The following FBXO11 variants were observed in gnomAD, a reference collection of about 807,000 sequenced individuals.
FBXO11 encodes F-box only protein 11.
In FBXO11, 13 loss-of-function variants were observed where a neutral mutation model predicts 117.0. The observed-to-expected ratio is 0.11, with a 90% CI of 0.07 to 0.18. The LOEUF (loss-of-function observed/expected upper bound fraction) is 0.18. FBXO11 is among the 10% of genes least tolerant of loss of function. FBXO11 has a pLI of 1.00. For synonymous variants in FBXO11, 490 were observed against 380.5 expected, an observed-to-expected ratio of 1.29 and a Z score of -3.35; for missense variants, 767 against 1,164.4, an observed-to-expected ratio of 0.66 and a Z score of 4.97.
Position 47,905,555 on chromosome 2 carries a change from G to A in FBXO11, c.166C>T (p.Gln56Ter). ...PPPPQQQQQQ[Q>*]PPPPPPPPPP... ...GGCGGCGGTGGCGGCGGCGGAGGCT[G>A]CTGCTGCTGCTGCTGCTGCGGCGGC... Residue 56 changes from glutamine (Q) to a stop codon, truncating the protein, a stop_gained, in exon 1 of 23, where the codon CAG becomes TAG. Transcript: ENST00000403359. LOFTEE classifies it high-confidence loss of function. The A allele has an allele frequency of 8.0e-7, 1 of 1,244,218 alleles. No individual in the cohort carries two copies. Among genetic ancestry groups the A allele is most frequent in the South Asian group, 3.5e-5 (1 of 28,610 alleles). The allele number at this position is 1,244,218 out of a possible 1,614,324, so 77.1% of individuals were successfully genotyped here.
At chr2:47,843,133 T>A (rs1286130961) in intron 1 of FBXO11, among the ~76,000 whole-genome samples, 4 of 152,344 alleles carry the variant, frequency 2.6e-5, no homozygotes, top group Middle Eastern at 3.4e-3. Flanking sequence ...AAGCAGCCAG[T>A]ATGATACGCC....
At chr2:47,809,924 A>G (rs752815981) in intron 19 of FBXO11, 9 of 537,590 alleles carry the variant, frequency 1.7e-5, no homozygotes, top group Non-Finnish European at 2.0e-5. Context: ...GCACCAACCT[A>G]ACTGTCTTAA....
At chr2:47,818,680 G>A in intron 16 of FBXO11, 99 bp downstream of exon 16, 3 of 727,986 alleles carry the variant, frequency 4.1e-6, no homozygotes, top group Non-Finnish European at 7.0e-6. Flanking sequence ...TACAATAGGG[G>A]GATAAAGATT....
In FBXO11 at chr2:47,860,799, T is replaced by G. The variant is rs916003126; in HGVS notation, c.233-21030A>C. Reference sequence around the variant, plus strand: ...AACCAGTCACATAGAATAACTGTGTTCCACTGGAAAATAGGAAAAAAAAAA... The same window carrying G: ...AACCAGTCACATAGAATAACTGTGTGCCACTGGAAAATAGGAAAAAAAAAA... On this transcript the variant is annotated intron_variant, in intron 1 of 22. Coordinates refer to ENST00000403359, the MANE Select transcript of FBXO11 (RefSeq NM_001190274.2). Among the ~76,000 whole-genome samples, 3 of 136,616 alleles carry G rather than the reference T, an allele frequency of 2.2e-5. No individual in the cohort carries two copies. The Admixed American group carries it at 2.4e-4, about 11-fold the overall frequency. The allele number at this position is 136,616 out of a possible 152,430, so 89.6% of individuals were successfully genotyped here.
chr2:47,905,290 G>C, intron 1 of FBXO11, 199 bp downstream of exon 1: 1 of 379,574 alleles, frequency 2.6e-6, no homozygotes, highest in Non-Finnish European at 4.1e-6. Context: ...CAGGCGAGAA[G>C]GGAAGCCGCG....
intron 1 of FBXO11, among the ~76,000 whole-genome samples, chr2:47,894,766 G>A (rs1677530321): frequency 6.6e-6 from 1 of 152,124 alleles, no homozygotes; most frequent in African/African-American, 2.4e-5. Context: ...AATCAAATCT[G>A]TGGATAAAAA....
chr2:47,833,500 TGAG>T (rs1672332264), intron 7 of FBXO11, among the ~76,000 whole-genome samples: 1 of 152,134 alleles, frequency 6.6e-6, no homozygotes, highest in Admixed American at 6.5e-5. Flanking sequence ...CCCATCTTCA[TGAG>T]GAGATAGAGG....
intron 4 of FBXO11, among the ~76,000 whole-genome samples, chr2:47,837,794 G>A (rs896415283): frequency 4.6e-5 from 7 of 152,048 alleles, no homozygotes; most frequent in African/African-American, 9.7e-5. Flanking sequence ...GCAGTGGCAC[G>A]ATCACGGCTT....
chr2:47,876,127 G>C (rs758490121), intron 1 of FBXO11, among the ~76,000 whole-genome samples: 1 of 152,136 alleles, frequency 6.6e-6, no homozygotes, highest in Non-Finnish European at 1.5e-5. Context: ...AGGTAGTCTG[G>C]CTGCAGAGCC....
intron 1 of FBXO11, among the ~76,000 whole-genome samples, chr2:47,895,445 A>G (rs912805312): frequency 3.3e-5 from 5 of 152,210 alleles, no homozygotes; most frequent in African/African-American, 9.6e-5. Context: ...TAAAGTTAAG[A>G]AACAGGCACA....
At chr2:47,878,538 G>A (rs1054314696) in intron 1 of FBXO11, among the ~76,000 whole-genome samples, 2 of 151,906 alleles carry the variant, frequency 1.3e-5, no homozygotes, top group Non-Finnish European at 2.9e-5. Context: ...TGTATTTTCA[G>A]TAGAGATGGG....
chr2:47,862,081 TTTTTTTA>T (rs1382657633), intron 1 of FBXO11, among the ~76,000 whole-genome samples: 71 of 152,024 alleles, frequency 4.7e-4, no homozygotes, highest in African/African-American at 1.6e-3. Flanking sequence ...CCTGGCTAAT[TTTTTTTA>T]TTTTTTATTT....
intron 16 of FBXO11, among the ~76,000 whole-genome samples, chr2:47,817,781 C>T (rs186456686): frequency 5.1e-4 from 78 of 152,324 alleles, no homozygotes; most frequent in Non-Finnish European, 8.4e-4. Context: ...ACACACACAA[C>T]GTTTACAGAT....
chr2:47,893,883 G>T lies in FBXO11; in HGVS notation c.232+11606C>A, dbSNP rs184224794. Among the ~76,000 whole-genome samples, 276 of 152,282 alleles carry T rather than the reference G, an allele frequency of 1.8e-3. 1 individual carries two copies. Among genetic ancestry groups the T allele is most frequent in the African/African-American group, 6.4e-3 (266 of 41,562 alleles). ...TAAATGGCAACATTTACTGAATGTG[G>T]CTATGTGTTGAAAAAAGAAAATGGA... On this transcript the variant is annotated intron_variant, in intron 1 of 22. Transcript: ENST00000403359.
At chr2:47,815,478 G>A (rs1320025377) in intron 16 of FBXO11, among the ~76,000 whole-genome samples, 1 of 152,310 alleles carries the variant, frequency 6.6e-6, no homozygotes, top group East Asian at 1.9e-4. Context: ...GCAGGAACCA[G>A]GAGGGAAGGA....
intron 13 of FBXO11, among the ~76,000 whole-genome samples, chr2:47,820,957 T>C (rs1159381942): frequency 1.3e-5 from 2 of 152,242 alleles, no homozygotes; most frequent in African/African-American, 2.4e-5. Flanking sequence ...ATCTACTGAT[T>C]GTTTGCTGAT....
intron 18 of FBXO11, among the ~76,000 whole-genome samples, chr2:47,811,980 C>T (rs1025977888): frequency 4.0e-5 from 6 of 149,778 alleles, no homozygotes; most frequent in African/African-American, 1.2e-4. Context: ...CTTATGCTAT[C>T]ATTTTAGTTT....
chr2:47,869,522 C>G (rs1360059113), intron 1 of FBXO11, among the ~76,000 whole-genome samples: 1 of 152,320 alleles, frequency 6.6e-6, no homozygotes, highest in Non-Finnish European at 1.5e-5. Flanking sequence ...CAATGGAAAA[C>G]TACAACAACC....
In FBXO11 at chr2:47,895,701, G is replaced by GT. The variant is rs564500705; in HGVS notation, c.232+9787dup. The stretch of plus-strand genomic sequence containing the variant: ...AAATAACTATATAGTTTATGTTGTT[G>GT]TTTTTTTTTGAGACAGAATTTCACT... On this transcript the variant is annotated intron_variant, in intron 1 of 22. Transcript: ENST00000403359. 2.0e-3 allele frequency among the ~76,000 whole-genome samples: 302 copies of GT among 150,966 alleles called. 3 individuals are homozygous for GT. The highest frequency in any genetic ancestry group is 3.4e-3 in the Middle Eastern group (1 of 290).
Sources: allele counts gnomAD v4.1 joint callset (sites outside exome capture counted in the v4.1 genomes callset), GRCh38; gene constraint gnomAD v4.1.1; transcripts MANE v1.5; gene names NCBI Gene and HGNC (gene_info 2026-07-23, HGNC 2026-07-21).